TMEM51: variants seen among roughly 807,000 people sequenced by gnomAD.
TMEM51 encodes the protein transmembrane protein 51.
A neutral mutation model predicts 13.6 loss-of-function variants in TMEM51; 8 were observed. The observed-to-expected ratio is 0.59, with a 90% CI of 0.35 to 1.07. The LOEUF (loss-of-function observed/expected upper bound fraction) is 1.07. TMEM51 is among the 50% of genes least tolerant of loss of function. TMEM51 has a pLI of 0.02. For missense variants in TMEM51, 279 were observed against 330.7 expected, an observed-to-expected ratio of 0.84 and a Z score of 1.21; for synonymous variants, 147 against 144.4, an observed-to-expected ratio of 1.02 and a Z score of -0.13.
intron 1 of TMEM51, among the ~76,000 whole-genome samples, chr1:15,172,307 C>T (rs949705844): frequency 2.0e-5 from 3 of 150,408 alleles, no homozygotes; most frequent in African/African-American, 7.4e-5. Flanking sequence ...TCACCTGACC[C>T]TGGGAGGTCA....
At chr1:15,168,980 G>A (rs1225175347) in intron 1 of TMEM51, among the ~76,000 whole-genome samples, 1 of 152,186 alleles carries the variant, frequency 6.6e-6, no homozygotes, top group African/African-American at 2.4e-5. Context: ...CGAGGCAGGA[G>A]TATGCTAGCT....
intron 1 of TMEM51, among the ~76,000 whole-genome samples, chr1:15,201,883 A>T (rs1184182693): frequency 6.6e-6 from 1 of 152,202 alleles, no homozygotes; most frequent in African/African-American, 2.4e-5. Context: ...AAGTCTGGGA[A>T]CACAGAGGGC....
At chr1:15,190,794 T>G (rs780667191) in intron 1 of TMEM51, among the ~76,000 whole-genome samples, 3 of 152,080 alleles carry the variant, frequency 2.0e-5, no homozygotes, top group African/African-American at 2.4e-5. Flanking sequence ...TTTGTTTTTG[T>G]TTTTGTTTTT....
chr1:15,212,051 A>C (rs1047429266), intron 2 of TMEM51, among the ~76,000 whole-genome samples: 1 of 152,182 alleles, frequency 6.6e-6, no homozygotes, highest in African/African-American at 2.4e-5. Context: ...AAGTGCGTGA[A>C]CCATAATTTA....
chr1:15,215,297 C>T lies in TMEM51; in HGVS notation c.210C>T (p.Val70=), dbSNP rs1199938133. The T allele has an allele frequency of 4.3e-6, 7 of 1,614,136 alleles. No individual in the cohort carries two copies. Among genetic ancestry groups the T allele is most frequent in the South Asian group, 2.2e-5 (2 of 91,070 alleles). ...SKTFSVAYVL[V]GAGVMLLLLS... ...CCTTCTCTGTGGCCTACGTGCTGGT[C>T]GGGGCCGGGGTGATGCTGCTGCTGC... The change falls in exon 3 of 4, where the codon GTC becomes GTT. Residue 70 remains valine, a synonymous_variant. Transcript: ENST00000376008.
chr1:15,212,417 A>T (rs758634524), intron 2 of TMEM51, among the ~76,000 whole-genome samples: 1 of 152,232 alleles, frequency 6.6e-6, no homozygotes, highest in Non-Finnish European at 1.5e-5. Flanking sequence ...ATGGAGAACG[A>T]ATGAGGGCAG....
Position 15,219,486 on chromosome 1 carries a change from G to A in TMEM51, c.505G>A (p.Glu169Lys), listed in dbSNP as rs545905236. The change falls in exon 4 of 4, where the codon GAG becomes AAG. Residue 169 changes from glutamate (E) to lysine (K), a missense_variant. Glu to Lys is a moderately conservative substitution (Grantham distance 56). Transcript: ENST00000376008. Reference protein sequence around the residue: ...PSYESLTGLDETTPTSTRADV... With the variant: ...PSYESLTGLDKTTPTSTRADV... The stretch of plus-strand genomic sequence containing the variant: ...CTATGAGTCACTGACGGGGCTCGAC[G>A]AGACCACCCCCACATCCACCAGGGC... The A allele has an allele frequency of 1.1e-5, 17 of 1,614,076 alleles. No homozygotes were observed. The highest frequency in any genetic ancestry group is 1.3e-5 in the African/African-American group (1 of 75,022).
chr1:15,190,371 C>A (rs955541386), intron 1 of TMEM51, among the ~76,000 whole-genome samples: 6 of 152,150 alleles, frequency 3.9e-5, no homozygotes, highest in African/African-American at 1.4e-4. Flanking sequence ...TGTGAAGATG[C>A]ATCTTTTAAA....
At chr1:15,162,026 TGTG>T (rs1642797912) in intron 1 of TMEM51, among the ~76,000 whole-genome samples, 1 of 148,916 alleles carries the variant, frequency 6.7e-6, no homozygotes, top group African/African-American at 2.5e-5. Context: ...GCAGGCGTCA[TGTG>T]GTGAGAGAGA....
At chr1:15,189,806 T>A (rs1643891603) in intron 1 of TMEM51, among the ~76,000 whole-genome samples, 1 of 152,208 alleles carries the variant, frequency 6.6e-6, no homozygotes. Context: ...TGGGTTGTGA[T>A]TCATCTGTGA....
At chr1:15,189,493 C>G (rs891963339) in intron 1 of TMEM51, among the ~76,000 whole-genome samples, 6 of 152,156 alleles carry the variant, frequency 3.9e-5, no homozygotes, top group Non-Finnish European at 8.8e-5. Flanking sequence ...GTTACAATTC[C>G]TTAGCTCATC....
intron 1 of TMEM51, among the ~76,000 whole-genome samples, chr1:15,173,714 G>A (rs1180796739): frequency 6.7e-6 from 1 of 149,434 alleles, no homozygotes; most frequent in Non-Finnish European, 1.5e-5. Context: ...ATCTGTCAAA[G>A]AAGAGCCTTT....
chr1:15,157,310 C>A (rs1327963616), intron 1 of TMEM51, among the ~76,000 whole-genome samples: 2 of 152,202 alleles, frequency 1.3e-5, no homozygotes, highest in East Asian at 1.9e-4. Flanking sequence ...TTCTCTCTTG[C>A]CCTGGATTTA....
At chr1:15,156,871 G>A (rs1430520362) in intron 1 of TMEM51, among the ~76,000 whole-genome samples, 9 of 152,100 alleles carry the variant, frequency 5.9e-5, no homozygotes, top group Non-Finnish European at 8.8e-5. Context: ...GGCCACATTC[G>A]GGACCAAGAC....
rs372619179 is a variant in TMEM51, at chr1:15,215,109, A to G, written c.22A>G (p.Asn8Asp). 1.5e-5 allele frequency: 24 copies of G among 1,611,470 alleles called. No homozygotes were observed. The highest frequency in any genetic ancestry group is 2.0e-5 in the Non-Finnish European group (24 of 1,178,174). ...TGACATGATGGCCCAGTCCAAGGCC[A>G]ATGGCTCGCACTATGCGCTGACCGC... is the stretch of plus-strand genomic sequence containing the variant. MMAQSKA[N>D]GSHYALTAIG... The change falls in exon 3 of 4, where the codon AAT becomes GAT. Residue 8 changes from asparagine to aspartate, a missense_variant. Asn to Asp is a conservative substitution (Grantham distance 23). Coordinates refer to ENST00000376008, the MANE Select transcript of TMEM51 (RefSeq NM_001136218.2).
intron 1 of TMEM51, chr1:15,171,404 C>A: frequency 8.7e-7 from 1 of 1,147,250 alleles, no homozygotes; most frequent in Non-Finnish European, 1.1e-6. Context: ...TTGCCGGGGA[C>A]CAGGGGCATC....
chr1:15,193,571 CTTTCT>C (rs755697869), intron 1 of TMEM51, among the ~76,000 whole-genome samples: 3 of 80,614 alleles, frequency 3.7e-5, no homozygotes, highest in African/African-American at 5.7e-5. Context: ...TCTTTTCTTT[CTTTCT>C]TTTTTTTTTT....
intron 1 of TMEM51, among the ~76,000 whole-genome samples, chr1:15,160,285 T>G (rs1282593089): frequency 6.6e-6 from 1 of 152,054 alleles, no homozygotes; most frequent in Non-Finnish European, 1.5e-5. Context: ...TTTTATTTAT[T>G]TCTTTTGAGA....
chr1:15,163,570 A>G (rs907260118), intron 1 of TMEM51, among the ~76,000 whole-genome samples: 2 of 148,052 alleles, frequency 1.4e-5, no homozygotes, highest in African/African-American at 4.9e-5. Context: ...CATAATTTCA[A>G]TTCTAGAAGT....
Sources: allele counts gnomAD v4.1 joint callset (sites outside exome capture counted in the v4.1 genomes callset), GRCh38; gene constraint gnomAD v4.1.1; transcripts MANE v1.5; gene names NCBI Gene and HGNC (gene_info 2026-07-23, HGNC 2026-07-21).